Variants in KCNIP3 observed in about 807,000 individuals in gnomAD.
KCNIP3 encodes calsenilin.
A neutral mutation model predicts 35.0 loss-of-function variants in KCNIP3; 28 were observed. The observed-to-expected ratio is 0.80, with a 90% CI of 0.59 to 1.10. The LOEUF (loss-of-function observed/expected upper bound fraction) is 1.10. KCNIP3 is among the 50% of genes least tolerant of loss of function. KCNIP3 has a pLI of 0.00. For synonymous variants in KCNIP3, 134 were observed against 133.8 expected (o/e 1.00, Z -0.01); for missense variants, 295 against 338.4 (o/e 0.87, Z 1.01).
rs1052852305 is a variant in KCNIP3, at chr2:95,382,023, A to T, written c.555+320A>T. 6.6e-6 allele frequency among the ~76,000 whole-genome samples: 1 copy of T among 152,214 alleles called. No homozygotes were observed. Among genetic ancestry groups the T allele is most frequent in the Non-Finnish European group, 1.5e-5 (1 of 68,032 alleles). On this transcript the variant is annotated intron_variant, in intron 6 of 8. Transcript: ENST00000295225. The surrounding 1 kb of genome is among the most constrained non-coding windows in gnomAD (Gnocchi z 4.5). The stretch of plus-strand genomic sequence containing the variant: ...GCCAGAGGTCCTGGCCTTGGCCCCC[A>T]TCAAGTGAAGGGGGCAGTGCGGTCC...
chr2:95,367,045 T>G (rs1254221789), intron 2 of KCNIP3, among the ~76,000 whole-genome samples: 1 of 152,106 alleles, frequency 6.6e-6, no homozygotes, highest in African/African-American at 2.4e-5. Context: ...GCCGGATCAC[T>G]CAGGAACTCC....
rs563025551 is a variant in KCNIP3, at chr2:95,349,089, C to T, written c.182-25207C>T. Among the ~76,000 whole-genome samples, 6 of 150,816 alleles carry T rather than the reference C, an allele frequency of 4.0e-5. No homozygotes were observed. In the East Asian group the frequency reaches 1.2e-3, roughly 29 times the overall value. On this transcript the variant is annotated intron_variant, in intron 2 of 8. Transcript: ENST00000295225. ...TGCAGCCATTCTCTCACTCAGACAC[C>T]CCCCCCCGCCCCCCGTCAGAGGGAG...
intron 2 of KCNIP3, among the ~76,000 whole-genome samples, chr2:95,317,560 A>G (rs1026021536): frequency 2.0e-5 from 3 of 152,164 alleles, no homozygotes; most frequent in African/African-American, 7.2e-5. Flanking sequence ...AAAGGCTGGG[A>G]GAGCCAGAAG....
At chr2:95,348,753 C>G (rs1679440641) in intron 2 of KCNIP3, among the ~76,000 whole-genome samples, 2 of 152,182 alleles carry the variant, frequency 1.3e-5, no homozygotes, top group East Asian at 1.9e-4. Flanking sequence ...TGTGCCCACT[C>G]ATACCCCTGG....
chr2:95,381,716 T>C lies in KCNIP3; in HGVS notation c.555+13T>C. Reference sequence around the variant, plus strand: ...CATCACCAAAGAGGTAGTAGGGGGCTGGGGGCAGGGATTGTCCCCTCCTCC... The same window carrying C: ...CATCACCAAAGAGGTAGTAGGGGGCCGGGGGCAGGGATTGTCCCCTCCTCC... On this transcript the variant is annotated intron_variant, in intron 6 of 8. Coordinates refer to ENST00000295225, the MANE Select transcript of KCNIP3 (RefSeq NM_013434.5). 1.3e-6 allele frequency: 2 copies of C among 1,573,076 alleles called. No homozygotes were observed. Among genetic ancestry groups the C allele is most frequent in the Non-Finnish European group, 1.7e-6 (2 of 1,143,244 alleles).
intron 2 of KCNIP3, among the ~76,000 whole-genome samples, chr2:95,363,623 T>G (rs1280869757): frequency 1.3e-5 from 2 of 152,112 alleles, no homozygotes; most frequent in Non-Finnish European, 2.9e-5. Context: ...AAAAAAAAAA[T>G]CCAACTGAAT....
At chr2:95,299,237 G>GGA (rs1395772877) in intron 1 of KCNIP3, 1 of 152,318 alleles carries the variant, frequency 6.6e-6, no homozygotes, top group African/African-American at 2.4e-5. Context: ...GCCTGGCCAG[G>GGA]GAGGGGAGTG....
chr2:95,330,241 C>G (rs1678892302), intron 2 of KCNIP3, among the ~76,000 whole-genome samples: 1 of 152,162 alleles, frequency 6.6e-6, no homozygotes, highest in African/African-American at 2.4e-5. Context: ...GAGGCTGATT[C>G]TGAATGGGTC....
At chr2:95,355,902 A>G (rs577229117) in intron 2 of KCNIP3, among the ~76,000 whole-genome samples, 2 of 152,300 alleles carry the variant, frequency 1.3e-5, no homozygotes, top group African/African-American at 4.8e-5. Flanking sequence ...CTAGTTCTAG[A>G]TCCCTGAGGA....
At chr2:95,381,235 A>G (rs149808022) in intron 5 of KCNIP3, among the ~76,000 whole-genome samples, 95 of 152,306 alleles carry the variant, frequency 6.2e-4, no homozygotes, top group East Asian at 2.9e-3. Context: ...CCTGCCACAC[A>G]TGCAGACACA....
At chr2:95,321,077 GGCCCT>G (rs1678585275) in intron 2 of KCNIP3, among the ~76,000 whole-genome samples, 1 of 103,920 alleles carries the variant, frequency 9.6e-6, no homozygotes, top group African/African-American at 3.9e-5. Context: ...TCTCCTCCCT[GGCCCT>G]GCCCCCCGAG....
chr2:95,362,267 C>T (rs1484507225), intron 2 of KCNIP3, among the ~76,000 whole-genome samples: 20 of 152,042 alleles, frequency 1.3e-4, no homozygotes, highest in South Asian at 2.1e-4. Flanking sequence ...CCACTATGCC[C>T]GGCTAATTTT....
chr2:95,339,757 C>G (rs1679148452), intron 2 of KCNIP3, among the ~76,000 whole-genome samples: 1 of 152,186 alleles, frequency 6.6e-6, no homozygotes, highest in African/African-American at 2.4e-5. Context: ...ATCTCTCTTT[C>G]CACCTCTATT....
At chr2:95,347,115 C>T in intron 2 of KCNIP3, 2 of 1,610,388 alleles carry the variant, frequency 1.2e-6, no homozygotes, top group Non-Finnish European at 1.7e-6. Flanking sequence ...AGCCCATATC[C>T]ATGGAAGGTA....
intron 1 of KCNIP3, among the ~76,000 whole-genome samples, chr2:95,301,964 C>T (rs1678043180): frequency 6.6e-6 from 1 of 152,116 alleles, no homozygotes; most frequent in Admixed American, 6.5e-5. Flanking sequence ...TCATGACAAC[C>T]TCGGCTCCCC....
chr2:95,325,627 TCA>T lies in KCNIP3; in HGVS notation c.181+15119_181+15120del, dbSNP rs367656900. On this transcript the variant is annotated intron_variant, in intron 2 of 8. Coordinates refer to ENST00000295225, the MANE Select transcript of KCNIP3 (RefSeq NM_013434.5). The stretch of plus-strand genomic sequence containing the variant: ...CTCATACACACGTACACACACACAC[TCA>T]CACACACACACGCATACACACAAAT... 5.7e-3 allele frequency among the ~76,000 whole-genome samples: 825 copies of T among 145,144 alleles called. 4 individuals are homozygous for T. The highest frequency in any genetic ancestry group is 0.015 in the Middle Eastern group (4 of 274).
At chr2:95,344,389 T>A (rs1356977791) in intron 2 of KCNIP3, among the ~76,000 whole-genome samples, 3 of 152,108 alleles carry the variant, frequency 2.0e-5, no homozygotes, top group African/African-American at 7.2e-5. Flanking sequence ...CGCTGGTGAG[T>A]GAGCCTGGGA....
At chr2:95,321,457 G>C (rs1475351905) in intron 2 of KCNIP3, among the ~76,000 whole-genome samples, 3 of 152,292 alleles carry the variant, frequency 2.0e-5, no homozygotes, top group Middle Eastern at 3.4e-3. Flanking sequence ...GGGGGGTCAG[G>C]GCTGGGGCTG....
chr2:95,374,817 C>T (rs750033356), intron 3 of KCNIP3, 31 bp from the exon 4 acceptor site: 8 of 1,609,846 alleles, frequency 5.0e-6, no homozygotes, highest in South Asian at 2.2e-5. Flanking sequence ...TGGGGGTGGC[C>T]GAGGGCTGAG....
Sources: gnomAD v4.1 joint callset for allele counts (sites outside exome capture counted in the v4.1 genomes callset) on GRCh38, gnomAD v4.1.1 for gene constraint, Gnocchi (gnomAD v3.1) non-coding constraint, MANE v1.5 for transcripts, NCBI Gene and HGNC (gene_info 2026-07-23, HGNC 2026-07-21) for gene names.